Variants in SLC35F1 observed in about 807,000 individuals in gnomAD.
The protein encoded by SLC35F1 is chromosome 6 open reading frame 169.
Under a neutral mutation model 48.7 loss-of-function variants are expected in SLC35F1, and 14 were observed. That is an observed-to-expected ratio of 0.29 (90% confidence interval 0.19 to 0.45). The LOEUF (loss-of-function observed/expected upper bound fraction) is 0.45, where lower values mean the gene tolerates loss of function less well. SLC35F1 is among the 20% of genes least tolerant of loss of function. The pLI, the probability that SLC35F1 is intolerant of heterozygous loss-of-function variation, is 1.00. For synonymous variants in SLC35F1, 190 were observed against 202.2 expected (o/e 0.94, Z 0.51); for missense variants, 404 against 500.0 (o/e 0.81, Z 1.83).
chr6:118,036,363 C>G (rs1772131640), intron 1 of SLC35F1, among the ~76,000 whole-genome samples: 1 of 152,042 alleles, frequency 6.6e-6, no homozygotes, highest in Admixed American at 6.6e-5. Flanking sequence ...TAATTAAATT[C>G]AGTTGTTAGA....
At chr6:117,969,310 C>A (rs1021962904) in intron 1 of SLC35F1, among the ~76,000 whole-genome samples, 3 of 152,082 alleles carry the variant, frequency 2.0e-5, no homozygotes, top group African/African-American at 7.2e-5. Context: ...AAAAAACAAA[C>A]TTTGATAGGA....
chr6:118,023,031 T>C (rs978233745), intron 1 of SLC35F1, among the ~76,000 whole-genome samples: 5 of 152,154 alleles, frequency 3.3e-5, no homozygotes, highest in Admixed American at 3.3e-4. Flanking sequence ...GTGCTGCGAT[T>C]ACAGGCGTGA....
At chr6:118,088,717 G>A (rs966171309) in intron 1 of SLC35F1, among the ~76,000 whole-genome samples, 4 of 152,178 alleles carry the variant, frequency 2.6e-5, no homozygotes, top group Non-Finnish European at 5.9e-5. Flanking sequence ...TTAAACAAGG[G>A]CATTCAGCCA....
intron 7 of SLC35F1, among the ~76,000 whole-genome samples, chr6:118,298,931 C>T (rs188181): frequency 0.55 from 84,323 of 152,004 alleles, 24,045 homozygotes; most frequent in African/African-American, 0.68. Flanking sequence ...TCCCAGCACA[C>T]TGGGAGGCCA....
intron 1 of SLC35F1, among the ~76,000 whole-genome samples, chr6:117,994,799 A>T (rs1669817372): frequency 6.6e-6 from 1 of 152,232 alleles, no homozygotes. Flanking sequence ...ATCCCCAAAA[A>T]GCTATGACAG....
chr6:117,960,536 G>T (rs1776484862), intron 1 of SLC35F1, among the ~76,000 whole-genome samples: 1 of 152,024 alleles, frequency 6.6e-6, no homozygotes, highest in Admixed American at 6.6e-5. Flanking sequence ...TACTATGTCA[G>T]CTTTCTTACT....
chr6:117,923,702 T>TATGTATATATGTAC (rs1562238825), intron 1 of SLC35F1, among the ~76,000 whole-genome samples: 1 of 17,470 alleles, frequency 5.7e-5, no homozygotes, highest in African/African-American at 1.5e-4. Context: ...TACATATACA[T>TATGTATATATGTAC]ATATGTACAT....
At chr6:117,955,085 G>T (rs879188161) in intron 1 of SLC35F1, among the ~76,000 whole-genome samples, 2 of 152,110 alleles carry the variant, frequency 1.3e-5, no homozygotes, top group Non-Finnish European at 2.9e-5. Flanking sequence ...CCATGGGTAA[G>T]TTCTTTTTTA....
chr6:118,129,878 TATG>T (rs1773684736), intron 1 of SLC35F1, among the ~76,000 whole-genome samples: 1 of 152,194 alleles, frequency 6.6e-6, no homozygotes, highest in Admixed American at 6.5e-5. Context: ...GTAAAAGCCA[TATG>T]ATATTTTAGG....
intron 1 of SLC35F1, among the ~76,000 whole-genome samples, chr6:118,095,575 A>G (rs1773142094): frequency 6.6e-6 from 1 of 152,152 alleles, no homozygotes; most frequent in Non-Finnish European, 1.5e-5. Flanking sequence ...AGGCCCGTGT[A>G]CTGAAGAAAT....
intron 6 of SLC35F1, among the ~76,000 whole-genome samples, chr6:118,284,095 G>A (rs1302250256): frequency 3.3e-5 from 5 of 152,078 alleles, no homozygotes; most frequent in Non-Finnish European, 7.4e-5. Flanking sequence ...TTTTCATATG[G>A]GTAAACCCAA....
chr6:117,971,806 G>A (rs766525643), intron 1 of SLC35F1, among the ~76,000 whole-genome samples: 1 of 152,214 alleles, frequency 6.6e-6, no homozygotes, highest in Non-Finnish European at 1.5e-5. Context: ...CATGTCTGGG[G>A]CTACATAGAG....
intron 1 of SLC35F1, among the ~76,000 whole-genome samples, chr6:118,060,424 A>G (rs1307867615): frequency 6.6e-6 from 1 of 151,876 alleles, no homozygotes; most frequent in Non-Finnish European, 1.5e-5. Flanking sequence ...GTATATAAAT[A>G]TATTAATTCA....
At chr6:118,251,847 G>A (rs1048554983) in intron 3 of SLC35F1, among the ~76,000 whole-genome samples, 3 of 152,064 alleles carry the variant, frequency 2.0e-5, no homozygotes, top group African/African-American at 4.8e-5. Context: ...TAGACATATA[G>A]CATGAAGAAG....
chr6:118,057,448 C>T (rs1251205132), intron 1 of SLC35F1, among the ~76,000 whole-genome samples: 1 of 152,026 alleles, frequency 6.6e-6, no homozygotes, highest in Non-Finnish European at 1.5e-5. Context: ...CAAAGGATAA[C>T]ATTGAACACT....
At chr6:118,246,762 G>C (rs12110924) in intron 3 of SLC35F1, among the ~76,000 whole-genome samples, 2,089 of 152,250 alleles carry the variant, frequency 0.014, 35 homozygotes, top group African/African-American at 0.036. Flanking sequence ...GCAAATGTAA[G>C]ATTGTATTTG....
At chr6:118,289,341 T>C (rs1776089744) in intron 7 of SLC35F1, among the ~76,000 whole-genome samples, 1 of 152,226 alleles carries the variant, frequency 6.6e-6, no homozygotes, top group Non-Finnish European at 1.5e-5. Context: ...CAGGAGTTTT[T>C]ATTTCTCAGA....
rs1432126063 is a variant in SLC35F1, at chr6:118,317,099, A to G, written c.*2847A>G. Reference sequence around the variant, plus strand: ...TAACTCCACCACCAATCTCTCCTCAATGAATAAGACTTTAGCAATTTATAT... The same window carrying G: ...TAACTCCACCACCAATCTCTCCTCAGTGAATAAGACTTTAGCAATTTATAT... On this transcript the variant is annotated 3_prime_UTR_variant, in exon 8 of 8. Transcript: ENST00000360388. 2 of 152,652 alleles carry G rather than the reference A, an allele frequency of 1.3e-5. No homozygotes were observed. The highest frequency in any genetic ancestry group is 1.3e-4 in the Admixed American group (2 of 15,282). The allele number at this position is 152,652 out of a possible 1,614,324, so 9.5% of individuals were successfully genotyped here.
intron 2 of SLC35F1, among the ~76,000 whole-genome samples, chr6:118,188,333 C>T (rs1354229313): frequency 2.0e-5 from 3 of 152,044 alleles, no homozygotes; most frequent in East Asian, 3.9e-4. Context: ...GTGGATCACC[C>T]GAAGACAGGC....
Sources: allele counts gnomAD v4.1 joint callset (sites outside exome capture counted in the v4.1 genomes callset), GRCh38; gene constraint gnomAD v4.1.1; transcripts MANE v1.5; gene names NCBI Gene and HGNC (gene_info 2026-07-23, HGNC 2026-07-21).